NAPEPLD: variants seen among roughly 807,000 people sequenced by gnomAD.
NAPEPLD encodes the protein N-acyl-phosphatidylethanolamine-hydrolyzing phospholipase D.
In NAPEPLD, 23 loss-of-function variants were observed where a neutral mutation model predicts 38.1. That is an observed-to-expected ratio of 0.60 (90% CI 0.43 to 0.86). The LOEUF is 0.86. NAPEPLD is among the 40% of genes least tolerant of loss of function. NAPEPLD has a pLI of 0.00. For synonymous variants in NAPEPLD, 147 were observed against 162.0 expected (o/e 0.91, Z 0.71); for missense variants, 411 against 476.8 (o/e 0.86, Z 1.28).
intron 1 of NAPEPLD, among the ~76,000 whole-genome samples, chr7:103,131,326 TG>T (rs1338420649): frequency 6.6e-6 from 1 of 152,130 alleles, no homozygotes; most frequent in Non-Finnish European, 1.5e-5. Context: ...AATAGGGTTT[TG>T]AACAACATCT....
chr7:103,120,695 A>ATTTTTTTTT (rs1563355903), intron 2 of NAPEPLD, among the ~76,000 whole-genome samples: 6 of 33,006 alleles, frequency 1.8e-4, no homozygotes, highest in Admixed American at 4.2e-4. Context: ...TGAATCTGAT[A>ATTTTTTTTT]TTTTTCTTTT....
intron 4 of NAPEPLD, among the ~76,000 whole-genome samples, chr7:103,112,067 T>C (rs1229081033): frequency 2.0e-5 from 3 of 152,190 alleles, no homozygotes; most frequent in South Asian, 2.1e-4. Context: ...TACCATCTTA[T>C]GCCAGTTAGA....
intron 1 of NAPEPLD, among the ~76,000 whole-genome samples, chr7:103,136,945 T>C (rs1267233491): frequency 1.3e-5 from 2 of 152,130 alleles, no homozygotes; most frequent in African/African-American, 2.4e-5. Context: ...TGTTTGTTTG[T>C]TTGTTTGTTT....
chr7:103,149,197 A>G, upstream of NAPEPLD: 1 of 993,868 alleles, frequency 1.0e-6, no homozygotes, highest in East Asian at 1.1e-4. Flanking sequence ...AACAGAAACC[A>G]CGGAGCTCCG....
intron 2 of NAPEPLD, among the ~76,000 whole-genome samples, chr7:103,126,136 T>C (rs1047763015): frequency 4.6e-5 from 7 of 152,044 alleles, no homozygotes; most frequent in African/African-American, 1.7e-4. Flanking sequence ...ACACTCCAGC[T>C]TGGGTGACAG....
chr7:103,123,905 G>A (rs6945578), intron 2 of NAPEPLD, among the ~76,000 whole-genome samples: 142,709 of 152,284 alleles, frequency 0.94, 67,536 homozygotes, highest in East Asian at 1. Context: ...TATGTTCATT[G>A]TCTTGATTGT....
intron 3 of NAPEPLD, among the ~76,000 whole-genome samples, chr7:103,116,539 T>A (rs1805615522): frequency 6.6e-6 from 1 of 152,190 alleles, no homozygotes; most frequent in Non-Finnish European, 1.5e-5. Flanking sequence ...TACAAATTTG[T>A]AAAAACCTGC....
At position 103,119,741 on chromosome 7, in the gene NAPEPLD, T is replaced by TA. The variant is rs746322802; in HGVS notation, c.776dup (p.Met260AsnfsTer3). 2 of 1,614,042 alleles carry TA rather than the reference T, an allele frequency of 1.2e-6. No individual in the cohort carries two copies. The highest frequency in any genetic ancestry group is 1.7e-6 in the Non-Finnish European group (2 of 1,180,038). ...CCCATAGCACCTTGTTGTCATCCATTAGAGTCCTTTTACACCAGTGCTGGG... is the reference window on the plus strand; with the variant it reads ...CCCATAGCACCTTGTTGTCATCCATTAAGAGTCCTTTTACACCAGTGCTGGG... On this transcript the variant is annotated frameshift_variant, in exon 3 of 5. Coordinates refer to ENST00000465647, the MANE Select transcript of NAPEPLD (RefSeq NM_001122838.3). LOFTEE classifies it high-confidence loss of function.
chr7:103,141,980 G>C, intron 1 of NAPEPLD: 1 of 727,684 alleles, frequency 1.4e-6, no homozygotes, highest in Non-Finnish European at 2.4e-6. Context: ...CTCCCCTGTG[G>C]AGCTTTTTAA....
intron 3 of NAPEPLD, among the ~76,000 whole-genome samples, chr7:103,118,240 A>T (rs1805949330): frequency 6.6e-6 from 1 of 152,250 alleles, no homozygotes; most frequent in South Asian, 2.1e-4. Flanking sequence ...ATTTTATGTT[A>T]CAAATACATA....
At position 103,147,430 on chromosome 7, in the gene NAPEPLD, G is replaced by A. The variant is rs548466784; in HGVS notation, c.-17+1381C>T. On this transcript the variant is annotated intron_variant, in intron 1 of 4. Transcript: ENST00000465647. ...ATAGCTATATTCTTATTTACAAAGT[G>A]TAGAAAGCAATGGAAAAACTCACTA... 5.9e-5 allele frequency among the ~76,000 whole-genome samples: 9 copies of A among 152,284 alleles called. No homozygotes were observed. The East Asian group carries it at 1.5e-3, about 26-fold the overall frequency.
At position 103,103,319 on chromosome 7, in the gene NAPEPLD, T is replaced by C. The variant is rs1181358706; in HGVS notation, c.*110A>G. 10 of 1,288,692 alleles carry C rather than the reference T, an allele frequency of 7.8e-6. No homozygotes were observed. Among genetic ancestry groups the C allele is most frequent in the East Asian group, 2.5e-5 (1 of 39,974 alleles). 79.8% of individuals were successfully genotyped at this position (1,288,692 alleles called of 1,614,324 possible). A position where few individuals can be genotyped will look rare whatever the true frequency, so the allele number is the denominator to read the frequency against. ...AACATAAAACATAAACTTGCAGAAG[T>C]TGTTTCCAAATGTAAAATAATCACA... On this transcript the variant is annotated 3_prime_UTR_variant, in exon 5 of 5. Transcript: ENST00000465647.
intron 4 of NAPEPLD, among the ~76,000 whole-genome samples, chr7:103,113,910 C>T (rs1805062703): frequency 6.6e-6 from 1 of 150,674 alleles, no homozygotes; most frequent in African/African-American, 2.4e-5. Context: ...GTGTGAGCCA[C>T]AGGTGCCCAG....
At chr7:103,139,358 G>A (rs958281729) in intron 1 of NAPEPLD, among the ~76,000 whole-genome samples, 4 of 152,166 alleles carry the variant, frequency 2.6e-5, no homozygotes, top group Admixed American at 6.5e-5. Flanking sequence ...AAACCATATA[G>A]ATTTTGGCTC....
intron 2 of NAPEPLD, among the ~76,000 whole-genome samples, chr7:103,124,573 T>C (rs1807373585): frequency 6.6e-6 from 1 of 152,180 alleles, no homozygotes; most frequent in Non-Finnish European, 1.5e-5. Context: ...CATGGCTAGA[T>C]CAAGACTTTC....
Position 103,102,593 on chromosome 7 carries a change from A to C in NAPEPLD, c.*836T>G, listed in dbSNP as rs1042790841. ...ACTCCTGGGTTCAAGTGACCCACCC[A>C]CCTTGGCCTCCCAAAGTAAGAGGTC... is the stretch of plus-strand genomic sequence containing the variant. On this transcript the variant is annotated 3_prime_UTR_variant, in exon 5 of 5. Coordinates refer to ENST00000465647, the MANE Select transcript of NAPEPLD (RefSeq NM_001122838.3). 4.6e-5 allele frequency: 7 copies of C among 151,504 alleles called. No homozygotes were observed. Among genetic ancestry groups the C allele is most frequent in the African/African-American group, 1.5e-4 (6 of 41,160 alleles). 9.4% of individuals were successfully genotyped at this position (151,504 alleles called of 1,614,324 possible).
rs745426582 is a variant in NAPEPLD, at chr7:103,119,695, G to A, written c.823C>T (p.Pro275Ser). 3.1e-6 allele frequency: 5 copies of A among 1,614,024 alleles called. No homozygotes were observed. In the South Asian group the frequency reaches 5.5e-5, roughly 18 times the overall value. ...VLWGSWSVLG[P>S]WNRFFFAGDT... ...CCTGCGAAAAAAAATCGATTCCAAG[G>A]CCCCAAGACAGACCAGCTGCCCCAT... Residue 275 changes from proline (P) to serine (S), a missense_variant, in exon 3 of 5, where the codon CCT (proline) becomes TCT (serine). Physicochemically the swap from Pro to Ser is moderately conservative, Grantham distance 74 (BLOSUM62 -1). Coordinates refer to ENST00000465647, the MANE Select transcript of NAPEPLD (RefSeq NM_001122838.3).
intron 4 of NAPEPLD, among the ~76,000 whole-genome samples, chr7:103,107,846 C>G (rs1803700173): frequency 6.6e-6 from 1 of 152,106 alleles, no homozygotes; most frequent in Non-Finnish European, 1.5e-5. Flanking sequence ...TCCAGGAGAA[C>G]TTCCCCAACC....
intron 1 of NAPEPLD, among the ~76,000 whole-genome samples, chr7:103,146,767 C>A (rs553931109): frequency 6.6e-6 from 1 of 152,230 alleles, no homozygotes; most frequent in East Asian, 1.9e-4. Flanking sequence ...TTCATTGGAA[C>A]CCCGCTGTAA....
Sources: gnomAD v4.1 joint callset for allele counts (sites outside exome capture counted in the v4.1 genomes callset) on GRCh38, gnomAD v4.1.1 for gene constraint, MANE v1.5 for transcripts, NCBI Gene and HGNC (gene_info 2026-07-23, HGNC 2026-07-21) for gene names.